OPRM1: variants seen among roughly 807,000 people sequenced by gnomAD.
The protein encoded by OPRM1 is mu-type opioid receptor.
OPRM1 carries 27 observed loss-of-function variants against 31.8 expected under a neutral mutation model. That is an observed-to-expected ratio of 0.85 (90% CI 0.63 to 1.17). The LOEUF (loss-of-function observed/expected upper bound fraction) is 1.17, where lower values mean the gene tolerates loss of function less well. Ranked by LOEUF, OPRM1 falls within the 50% of genes most tolerant of loss-of-function variation. The pLI is 0.00. For synonymous variants in OPRM1, 196 were observed against 189.9 expected (o/e 1.03, Z -0.26); for missense variants, 536 against 511.1 (o/e 1.05, Z -0.47).
rs1349212498 is a variant in OPRM1, at chr6:154,232,707, GC to G, written c.1165-13984del. 2.0e-5 allele frequency among the ~76,000 whole-genome samples: 3 copies of G among 152,168 alleles called. No homozygotes were observed. The East Asian group carries it at 5.8e-4, about 29-fold the overall frequency. ...ATTTGGAATTAATGTCTCGATGTAAGCCACATACTCTGACATCCGAGGCAGA... is the reference window on the plus strand; with the variant it reads ...ATTTGGAATTAATGTCTCGATGTAAGCACATACTCTGACATCCGAGGCAGA... On this transcript the variant is annotated intron_variant, in intron 3 of 3. Coordinates refer to the OPRM1 transcript ENST00000337049.
intron 1 of OPRM1, among the ~76,000 whole-genome samples, chr6:154,058,631 T>C (rs757690237): frequency 7.2e-5 from 11 of 152,166 alleles, no homozygotes; most frequent in Non-Finnish European, 1.0e-4. Context: ...AGAATATTGG[T>C]CCCTAGCAAT....
intron 3 of OPRM1, among the ~76,000 whole-genome samples, chr6:154,217,918 A>C (rs2128612365): frequency 6.6e-6 from 1 of 152,364 alleles, no homozygotes; most frequent in South Asian, 2.1e-4. Context: ...GCAAAATAGA[A>C]GACTGTTGAC....
rs544136722 is a variant in OPRM1 at position 154,203,610 on chromosome 6, G to C, written c.1165-43083G>C. 8.5e-5 allele frequency among the ~76,000 whole-genome samples: 13 copies of C among 152,232 alleles called. No individual in the cohort carries two copies. In the East Asian group the frequency reaches 2.5e-3, roughly 29 times the overall value. On this transcript the variant is annotated intron_variant, in intron 3 of 3. Transcript: ENST00000337049. ...CTGCAGGACCCACTGTGGGACTTGA[G>C]TATGCACAGACTTTGGTCTCCATGG...
intron 3 of OPRM1, among the ~76,000 whole-genome samples, chr6:154,222,728 A>C (rs1583838490): frequency 6.6e-6 from 1 of 152,316 alleles, no homozygotes; most frequent in Non-Finnish European, 1.5e-5. Flanking sequence ...CAAGCTTAAG[A>C]CATCTCAGAA....
intron 3 of OPRM1, among the ~76,000 whole-genome samples, chr6:154,203,506 G>C (rs1777240878): frequency 6.6e-6 from 1 of 152,124 alleles, no homozygotes; most frequent in South Asian, 2.1e-4. Context: ...ATGACTAAAT[G>C]GGGATGAAGA....
Position 154,198,285 on chromosome 6 carries a change from C to T in OPRM1, c.1165-48408C>T, listed in dbSNP as rs186646904. ...AATTAAGCTCAATACTTTCACCAAA[C>T]GACAGCAACTCACAAACCTGAGGGC... On this transcript the variant is annotated intron_variant, in intron 3 of 3. Transcript: ENST00000337049. 3.0e-3 allele frequency among the ~76,000 whole-genome samples: 457 copies of T among 152,238 alleles called. 1 individual carries two copies. The highest frequency in any genetic ancestry group is 0.01 in the African/African-American group (427 of 41,544).
At chr6:154,109,792 C>CTCTCTCTGTGTGTGTG (rs1358444421) in intron 3 of OPRM1, among the ~76,000 whole-genome samples, 11 of 101,198 alleles carry the variant, frequency 1.1e-4, no homozygotes, top group African/African-American at 3.8e-4. Flanking sequence ...CTCTCTCTCT[C>CTCTCTCTGTGTGTGTG]TGTGTGTGTG....
chr6:154,164,137 T>C (rs1799241067), intron 3 of OPRM1, among the ~76,000 whole-genome samples: 1 of 152,198 alleles, frequency 6.6e-6, no homozygotes, highest in Non-Finnish European at 1.5e-5. Context: ...AGACATCTAC[T>C]TCAAAGGAAG....
intron 1 of OPRM1, among the ~76,000 whole-genome samples, chr6:154,033,488 C>A (rs1200875007): frequency 1.3e-5 from 2 of 152,074 alleles, no homozygotes; most frequent in African/African-American, 4.8e-5. Context: ...GTGCTACTAC[C>A]CCCACTGCTT....
chr6:154,057,552 A>G (rs1295641783), intron 1 of OPRM1, among the ~76,000 whole-genome samples: 1 of 152,178 alleles, frequency 6.6e-6, no homozygotes, highest in Non-Finnish European at 1.5e-5. Flanking sequence ...ATTTTGTTAA[A>G]GGTATTATTT....
At chr6:154,222,604 A>C (rs529692679) in intron 3 of OPRM1, among the ~76,000 whole-genome samples, 2 of 152,220 alleles carry the variant, frequency 1.3e-5, no homozygotes. Flanking sequence ...GCAGGTCACA[A>C]ACTCTTTGGG....
At chr6:154,058,139 TTAAAA>T (rs1457020517) in intron 1 of OPRM1, among the ~76,000 whole-genome samples, 9 of 152,156 alleles carry the variant, frequency 5.9e-5, no homozygotes, top group African/African-American at 2.2e-4. Flanking sequence ...ATTTAGAAAC[TTAAAA>T]TAACAGCATA....
rs78799936 is a variant in OPRM1 at position 154,086,374 on chromosome 6, T to C, written c.291-3452T>C. On this transcript the variant is annotated intron_variant, in intron 1 of 3. Transcript: ENST00000330432. ...ATAAATTGAGAAAAATTAAACAGCA[T>C]CATTCCTATAAAATGCCCGTTGAAA... The C allele has an allele frequency of 9.6e-3, 1,552 of 162,396 alleles. 27 individuals carry two copies. Among genetic ancestry groups the C allele is most frequent in the African/African-American group, 0.036 (1,490 of 41,714 alleles). 10.1% of individuals were successfully genotyped at this position (162,396 alleles called of 1,614,324 possible).
chr6:154,218,527 C>G (rs1043503564), intron 3 of OPRM1, among the ~76,000 whole-genome samples: 1 of 152,154 alleles, frequency 6.6e-6, no homozygotes, highest in Non-Finnish European at 1.5e-5. Flanking sequence ...CCACTCCCTC[C>G]CCCACACCTC....
At chr6:154,026,584 T>C (rs990207198) in intron 1 of OPRM1, among the ~76,000 whole-genome samples, 1 of 152,154 alleles carries the variant, frequency 6.6e-6, no homozygotes, top group Non-Finnish European at 1.5e-5. Flanking sequence ...ATTTGCCCAT[T>C]TGAGGGCTGT....
chr6:154,089,389 C>A (rs1400844509), intron 1 of OPRM1, among the ~76,000 whole-genome samples: 1 of 151,942 alleles, frequency 6.6e-6, no homozygotes, highest in Non-Finnish European at 1.5e-5. Context: ...GAGTTCAAGA[C>A]CACCCTAAGC....
At chr6:154,207,269 G>A (rs111828322) in intron 3 of OPRM1, among the ~76,000 whole-genome samples, 3 of 152,238 alleles carry the variant, frequency 2.0e-5, no homozygotes, top group Admixed American at 1.3e-4. Context: ...ATATAAACAC[G>A]AATTTTAGCA....
chr6:154,203,003 T>G (rs1378173088), intron 3 of OPRM1, among the ~76,000 whole-genome samples: 1 of 151,920 alleles, frequency 6.6e-6, no homozygotes, highest in Non-Finnish European at 1.5e-5. Context: ...GAACCTGGAG[T>G]TTAATTTCCA....
intron 1 of OPRM1, among the ~76,000 whole-genome samples, chr6:154,047,438 TTCTCTCTC>T (rs61704475): frequency 8.9e-4 from 130 of 146,580 alleles, no homozygotes; most frequent in Non-Finnish European, 1.2e-3. Context: ...GTGGGCAAAA[TTCTCTCTC>T]TCTCTCTCTC....
Sources: allele counts gnomAD v4.1 joint callset (sites outside exome capture counted in the v4.1 genomes callset), GRCh38; gene constraint gnomAD v4.1.1; transcripts MANE v1.5; gene names NCBI Gene and HGNC (gene_info 2026-07-23, HGNC 2026-07-21).